ATP6V0D1: variants seen among roughly 807,000 people sequenced by gnomAD.
The protein encoded by ATP6V0D1 is V-type proton ATPase subunit d 1.
A neutral mutation model predicts 39.0 loss-of-function variants in ATP6V0D1; 13 were observed. The observed-to-expected ratio is 0.33, with a 90% CI of 0.22 to 0.53. ATP6V0D1 has a LOEUF of 0.53. Ranked by LOEUF, ATP6V0D1 falls within the 20% of genes least tolerant of loss-of-function variation. ATP6V0D1 has a pLI of 0.94. For synonymous variants in ATP6V0D1, 191 were observed against 191.2 expected (o/e 1.00, Z 0.01); for missense variants, 272 against 470.9 (o/e 0.58, Z 3.91).
At chr16:67,438,916 G>C (rs2041011372) in intron 6 of ATP6V0D1, 46 bp from the exon 7 acceptor site, 2 of 1,613,286 alleles carry the variant, frequency 1.2e-6, no homozygotes, top group African/African-American at 1.3e-5. Flanking sequence ...GGTTCTGGGT[G>C]GGGGTGCTTG....
intron 1 of ATP6V0D1, among the ~76,000 whole-genome samples, chr16:67,475,806 C>G (rs1266080489): frequency 6.6e-6 from 1 of 152,210 alleles, no homozygotes; most frequent in Non-Finnish European, 1.5e-5. Flanking sequence ...AATACAGTAT[C>G]AATGAGAACC....
At chr16:67,477,875 G>A (rs1597586216) in intron 1 of ATP6V0D1, among the ~76,000 whole-genome samples, 2 of 151,972 alleles carry the variant, frequency 1.3e-5, no homozygotes, top group Admixed American at 6.6e-5. Flanking sequence ...GGGTTTCACC[G>A]AGCCAGGATG....
At chr16:67,480,927 C>G in intron 1 of ATP6V0D1, 30 bp downstream of exon 1, 1 of 1,612,844 alleles carries the variant, frequency 6.2e-7, no homozygotes, top group East Asian at 2.2e-5. Context: ...CGGACAGCCT[C>G]TATCCCCGCC....
chr16:67,438,624 C>T lies in ATP6V0D1; in HGVS notation c.960G>A (p.Lys320=). The part of the protein sequence containing the change: ...FHFGVFYAFV[K]LKEQECRNIV... ...TGTTGCGACACTCCTGCTCCTTGAG[C>T]TTCACGAAGGCATAGAAGACACCAA... Residue 320 remains lysine (K), a synonymous_variant, in exon 8 of 8, where the codon AAG becomes AAA. Transcript: ENST00000290949. 3 of 1,614,236 alleles carry T rather than the reference C, an allele frequency of 1.9e-6. No individual in the cohort carries two copies. The highest frequency in any genetic ancestry group is 2.5e-6 in the Non-Finnish European group (3 of 1,180,052).
intron 1 of ATP6V0D1, among the ~76,000 whole-genome samples, chr16:67,473,181 C>T (rs1038775748): frequency 5.3e-5 from 8 of 152,168 alleles, no homozygotes; most frequent in Non-Finnish European, 1.2e-4. Flanking sequence ...TTCCTTCTCC[C>T]TATGCTCTTC....
At chr16:67,457,466 A>G (rs1248841274) in intron 1 of ATP6V0D1, 1 of 769,962 alleles carries the variant, frequency 1.3e-6, no homozygotes, top group Non-Finnish European at 1.9e-6. Context: ...GACAGATTTC[A>G]GTCCCAGATG....
In ATP6V0D1 at chr16:67,453,536, ACACT is replaced by A; in HGVS notation, c.302+4_302+7del. The A allele has an allele frequency of 6.2e-7, 1 of 1,613,956 alleles. No homozygotes were observed. Among genetic ancestry groups the A allele is most frequent in the Non-Finnish European group, 8.5e-7 (1 of 1,179,894 alleles). On this transcript the variant is annotated splice_donor_5th_base_variant and intron_variant, in intron 2 of 7. Coordinates refer to ENST00000290949, the MANE Select transcript of ATP6V0D1 (RefSeq NM_004691.5). The surrounding 1 kb of genome is among the most constrained non-coding windows in gnomAD (Gnocchi z 4.1). ...GTAAGAGAAGAAGGCGCTACAAAGC[ACACT>A]CACGTAATGAAGTCTAGGAAGCTGG...
At chr16:67,464,467 C>A (rs1481907472) in intron 1 of ATP6V0D1, among the ~76,000 whole-genome samples, 2 of 152,204 alleles carry the variant, frequency 1.3e-5, no homozygotes, top group Non-Finnish European at 2.9e-5. Flanking sequence ...AGGAGCCTGT[C>A]CAGCTATGAC....
intron 1 of ATP6V0D1, among the ~76,000 whole-genome samples, chr16:67,479,917 C>CTCTGGAGCTGTGTGCT (rs2041450809): frequency 7.1e-6 from 1 of 140,522 alleles, no homozygotes; most frequent in African/African-American, 3.3e-5. Flanking sequence ...GTCAACGCCA[C>CTCTGGAGCTGTGTGCT]GGCCGGGCGC....
intron 1 of ATP6V0D1, among the ~76,000 whole-genome samples, chr16:67,473,777 C>T (rs2041393799): frequency 6.6e-6 from 1 of 152,146 alleles, no homozygotes. Context: ...CCCACCTCGG[C>T]CTCCCAAAGT....
intron 1 of ATP6V0D1, among the ~76,000 whole-genome samples, chr16:67,479,185 C>CAT (rs1333125469): frequency 1.3e-5 from 2 of 151,806 alleles, no homozygotes; most frequent in Non-Finnish European, 2.9e-5. Flanking sequence ...ACGTTAACAT[C>CAT]ATAACACCTA....
chr16:67,479,320 T>A (rs2041443335), intron 1 of ATP6V0D1, among the ~76,000 whole-genome samples: 1 of 151,518 alleles, frequency 6.6e-6, no homozygotes, highest in Non-Finnish European at 1.5e-5. Flanking sequence ...TTCAAGCAAT[T>A]CTCCTGCCTC....
At chr16:67,471,401 G>A (rs2041371778) in intron 1 of ATP6V0D1, among the ~76,000 whole-genome samples, 1 of 152,072 alleles carries the variant, frequency 6.6e-6, no homozygotes, top group African/African-American at 2.4e-5. Flanking sequence ...TGTTGCCCAG[G>A]GTGGTCTTGA....
intron 1 of ATP6V0D1, among the ~76,000 whole-genome samples, chr16:67,471,708 G>A (rs2041374813): frequency 6.6e-6 from 1 of 151,336 alleles, no homozygotes; most frequent in Non-Finnish European, 1.5e-5. Context: ...GTCTCTCTCT[G>A]TTGCCCAGGC....
intron 1 of ATP6V0D1, among the ~76,000 whole-genome samples, chr16:67,479,344 G>A (rs1026899733): frequency 6.6e-6 from 1 of 151,762 alleles, no homozygotes; most frequent in Non-Finnish European, 1.5e-5. Context: ...CTCCCGAGTA[G>A]CTGGGATTAC....
At chr16:67,472,626 G>C (rs1205252565) in intron 1 of ATP6V0D1, among the ~76,000 whole-genome samples, 3 of 152,196 alleles carry the variant, frequency 2.0e-5, no homozygotes, top group Non-Finnish European at 4.4e-5. Context: ...CCAGCACTTT[G>C]GGATGCCAAG....
Position 67,438,412 on chromosome 16 carries a change from G to A in ATP6V0D1, c.*116C>T, listed in dbSNP as rs56123737. On this transcript the variant is annotated 3_prime_UTR_variant, in exon 8 of 8. Transcript: ENST00000290949. ...CCGCTAGGACAGCGTACTACACCCC[G>A]GACAGGCAGGTGAGCCACAGGCTTG... is the stretch of plus-strand genomic sequence containing the variant. 6,141 of 1,282,402 alleles carry A rather than the reference G, an allele frequency of 4.8e-3. 207 individuals are homozygous for A. In the South Asian group the frequency reaches 0.063, roughly 13 times the overall value. The allele number at this position is 1,282,402 out of a possible 1,614,324, so 79.4% of individuals were successfully genotyped here.
intron 1 of ATP6V0D1, among the ~76,000 whole-genome samples, chr16:67,470,463 C>T (rs1329783214): frequency 6.6e-6 from 1 of 152,240 alleles, no homozygotes; most frequent in Non-Finnish European, 1.5e-5. Flanking sequence ...AACTGGGCTC[C>T]ATGCCAGGTG....
chr16:67,477,310 G>T, intron 1 of ATP6V0D1, among the ~76,000 whole-genome samples: 1 of 152,106 alleles, frequency 6.6e-6, no homozygotes, highest in East Asian at 1.9e-4. Flanking sequence ...CATCCCAATT[G>T]AAACAAATAA....
Sources: allele counts gnomAD v4.1 joint callset (sites outside exome capture counted in the v4.1 genomes callset), GRCh38; gene constraint gnomAD v4.1.1; non-coding constraint Gnocchi (gnomAD v3.1); transcripts MANE v1.5; gene names NCBI Gene and HGNC (gene_info 2026-07-23, HGNC 2026-07-21).